ORC4: variants seen among roughly 807,000 people sequenced by gnomAD.
The protein encoded by ORC4 is origin recognition complex, subunit 4 homolog.
ORC4 carries 55 observed loss-of-function variants against 63.9 expected under a neutral mutation model. The observed-to-expected ratio is 0.86, with a 90% CI of 0.69 to 1.08. The LOEUF is 1.08. Among genes scored for constraint, ORC4 ranks in the 50% least tolerant of loss-of-function variants. The pLI, the probability that ORC4 is intolerant of heterozygous loss-of-function variation, is 0.00. For missense variants in ORC4, 511 were observed against 504.4 expected (o/e 1.01, Z -0.13); for synonymous variants, 150 against 168.5 (o/e 0.89, Z 0.85).
intron 1 of ORC4, among the ~76,000 whole-genome samples, chr2:147,985,179 G>T (rs1691124578): frequency 6.6e-6 from 1 of 151,942 alleles, no homozygotes; most frequent in Non-Finnish European, 1.5e-5. Context: ...TAACTATTCA[G>T]TAAACTCTCT....
rs753087343 is a variant in ORC4 at position 147,952,518 on chromosome 2, C to T, written c.443G>A (p.Arg148Gln). The T allele has an allele frequency of 2.9e-5, 47 of 1,607,074 alleles. No individual in the cohort carries two copies. Among genetic ancestry groups the T allele is most frequent in the Middle Eastern group, 1.6e-4 (1 of 6,062 alleles). ...GAAGATCACTGGGCAACTGCTAGTT[C>T]GGTCACCTAAGATAAAATAAGAGCA... The part of the protein sequence containing the change: ...FLLEALKKGD[R>Q]TSSCPVIFIL... Residue 148 changes from arginine to glutamine, a missense_variant, in exon 8 of 14, where the codon CGA becomes CAA. Physicochemically the swap from Arg to Gln is conservative, Grantham distance 43. Transcript: ENST00000392857.
At position 147,954,844 on chromosome 2, in the gene ORC4, T is replaced by A. The variant is rs564289145; in HGVS notation, c.436+503A>T. 1.5e-4 allele frequency among the ~76,000 whole-genome samples: 23 copies of A among 152,236 alleles called. No individual in the cohort carries two copies. In the South Asian group the frequency reaches 4.8e-3, roughly 32 times the overall value. ...GGTATTATCAAATATTTTTACAAATTAAACCTTTAGGGTAGTTTTTAAATG... is the reference window on the plus strand; with the variant it reads ...GGTATTATCAAATATTTTTACAAATAAAACCTTTAGGGTAGTTTTTAAATG... On this transcript the variant is annotated intron_variant, in intron 7 of 13. Transcript: ENST00000392857.
chr2:148,010,479 A>T (rs886493279), intron 1 of ORC4, among the ~76,000 whole-genome samples: 1 of 152,042 alleles, frequency 6.6e-6, no homozygotes, highest in Non-Finnish European at 1.5e-5. Flanking sequence ...AAAAAAGAAG[A>T]TCCAAATAAA....
intron 9 of ORC4, among the ~76,000 whole-genome samples, chr2:147,946,381 T>C (rs1309607510): frequency 6.6e-5 from 10 of 151,922 alleles, no homozygotes; most frequent in Admixed American, 3.9e-4. Context: ...AAAAACATAC[T>C]GGTGGAATAA....
chr2:147,935,630 TC>T lies in ORC4; in HGVS notation c.1190del (p.Arg397LysfsTer5). On this transcript the variant is annotated frameshift_variant, in exon 14 of 14. Transcript: ENST00000392857. LOFTEE classifies it high-confidence loss of function. The part of the protein sequence containing the change: ...PMERTSGNSQ[R>X]EYQLMKLLLD... ...AAAGCAGTTTCATCAGCTGGTACTC[TC>T]TCTGTGAATTTCCTGAAGTTCTTTC... The T allele has an allele frequency of 6.2e-7, 1 of 1,613,692 alleles. No individual in the cohort carries two copies. The highest frequency in any genetic ancestry group is 2.2e-5 in the East Asian group (1 of 44,852).
chr2:147,935,935 G>A (rs919663760), intron 13 of ORC4, among the ~76,000 whole-genome samples: 3 of 151,976 alleles, frequency 2.0e-5, no homozygotes, highest in African/African-American at 7.2e-5. Context: ...ATGTAAACAC[G>A]GCAAACTTTA....
At chr2:147,955,250 CTTT>C in intron 7 of ORC4, 94 bp downstream of exon 7, 1 of 658,794 alleles carries the variant, frequency 1.5e-6, no homozygotes, top group Non-Finnish European at 2.5e-6. Flanking sequence ...TTTATGAGAG[CTTT>C]TTTTTTTGGC....
At chr2:147,948,245 T>A in intron 8 of ORC4, 21 bp from the exon 9 acceptor site, 1 of 1,542,392 alleles carries the variant, frequency 6.5e-7, no homozygotes, top group Non-Finnish European at 8.9e-7. Context: ...AACAGAAATC[T>A]CTATAAGGAA....
In ORC4 at chr2:147,972,769, A is replaced by T. The variant is rs751295775; in HGVS notation, c.195T>A (p.Ile65=). ...ALHGESNSVL[I]IGPRGSGKTM... ...TTTTTCCTGATCCTCGGGGTCCGAT[A>T]ATAAGGACAGAGTTACTCTCTCCAT... The change falls in exon 4 of 14, where the codon ATT becomes ATA. Residue 65 remains isoleucine (I), a synonymous_variant. Transcript: ENST00000392857. The T allele has an allele frequency of 6.2e-7, 1 of 1,610,612 alleles. No individual in the cohort carries two copies. The highest frequency in any genetic ancestry group is 8.5e-7 in the Non-Finnish European group (1 of 1,177,604).
chr2:148,005,656 C>CAAAGAA (rs1692578878), intron 1 of ORC4, among the ~76,000 whole-genome samples: 1 of 51,490 alleles, frequency 1.9e-5, no homozygotes, highest in Admixed American at 2.6e-4. Flanking sequence ...ACTATCCATG[C>CAAAGAA]AAAAAAAAAA....
chr2:147,990,524 C>T (rs1223313481), intron 1 of ORC4, among the ~76,000 whole-genome samples: 4 of 152,160 alleles, frequency 2.6e-5, no homozygotes, highest in Admixed American at 2.6e-4. Flanking sequence ...TCTGTTAGTT[C>T]TTCCTAAAGA....
chr2:148,000,471 C>A (rs1692233259), intron 1 of ORC4, among the ~76,000 whole-genome samples: 1 of 152,058 alleles, frequency 6.6e-6, no homozygotes, highest in Non-Finnish European at 1.5e-5. Flanking sequence ...TGAAAGCCAG[C>A]TAAACTAATA....
chr2:147,980,648 C>G (rs1458052916), intron 1 of ORC4, among the ~76,000 whole-genome samples: 1 of 151,988 alleles, frequency 6.6e-6, no homozygotes, highest in African/African-American at 2.4e-5. Flanking sequence ...GAAGTACAAA[C>G]AAAACCACAA....
At chr2:148,015,102 C>T (rs1693191741) in intron 1 of ORC4, among the ~76,000 whole-genome samples, 1 of 149,836 alleles carries the variant, frequency 6.7e-6, no homozygotes, top group African/African-American at 2.5e-5. Flanking sequence ...CACAACCACA[C>T]TTGACTAGGA....
chr2:147,950,336 C>G (rs1688881646), intron 8 of ORC4, among the ~76,000 whole-genome samples: 1 of 152,068 alleles, frequency 6.6e-6, no homozygotes, highest in Admixed American at 6.6e-5. Flanking sequence ...TGTGGGCATA[C>G]AGGAACTAGT....
intron 4 of ORC4, among the ~76,000 whole-genome samples, chr2:147,968,580 G>A (rs1690029601): frequency 6.6e-6 from 1 of 151,888 alleles, no homozygotes; most frequent in Non-Finnish European, 1.5e-5. Flanking sequence ...AGAAACCACA[G>A]TGAGGTATCA....
intron 1 of ORC4, among the ~76,000 whole-genome samples, chr2:147,998,837 G>A (rs1410034949): frequency 6.6e-6 from 1 of 152,066 alleles, no homozygotes; most frequent in South Asian, 2.1e-4. Flanking sequence ...ATAAGATAAA[G>A]GTTAAAAAGA....
intron 4 of ORC4, among the ~76,000 whole-genome samples, chr2:147,971,772 T>C (rs1438917550): frequency 6.6e-6 from 1 of 151,934 alleles, no homozygotes; most frequent in African/African-American, 2.4e-5. Flanking sequence ...AAATTAAACA[T>C]AGATTTGAAA....
upstream of ORC4, chr2:148,021,504 G>GCTGCTGCTA (rs1467306379): frequency 1.0e-5 from 6 of 578,326 alleles, no homozygotes; most frequent in African/African-American, 5.7e-5. Context: ...TGCTACTGCT[G>GCTGCTGCTA]CTGCTGCTAC....
Sources: allele counts gnomAD v4.1 joint callset (sites outside exome capture counted in the v4.1 genomes callset), GRCh38; gene constraint gnomAD v4.1.1; transcripts MANE v1.5; gene names NCBI Gene and HGNC (gene_info 2026-07-23, HGNC 2026-07-21).